Variants in VWDE observed in about 807,000 individuals in gnomAD.
The protein encoded by VWDE is von Willebrand factor D and EGF domains.
Under a neutral mutation model 178.4 loss-of-function variants are expected in VWDE, and 207 were observed. The observed-to-expected ratio is 1.16, with a 90% CI of 1.04 to 1.30. VWDE has a LOEUF of 1.30. Ranked by LOEUF, VWDE falls within the 50% of genes most tolerant of loss-of-function variation. VWDE has a pLI of 0.00. For synonymous variants in VWDE, 738 were observed against 651.4 expected, an observed-to-expected ratio of 1.13 and a Z score of -2.02; for missense variants, 2,287 against 1,901.3, an observed-to-expected ratio of 1.20 and a Z score of -3.77.
chr7:12,365,092 C>G (rs1782789138), intron 13 of VWDE, among the ~76,000 whole-genome samples: 1 of 151,778 alleles, frequency 6.6e-6, no homozygotes, highest in Non-Finnish European at 1.5e-5. Flanking sequence ...TCAAAAGAGC[C>G]AAGTGTGCAA....
In VWDE at chr7:12,367,443, G is replaced by T; in HGVS notation, c.2812C>A (p.Gln938Lys). The change falls in exon 13 of 29, where the codon CAA becomes AAA. Residue 938 changes from glutamine to lysine, a missense_variant. Gln to Lys is a moderately conservative substitution (Grantham distance 53, BLOSUM62 1). Transcript: ENST00000275358. Reference sequence around the variant, plus strand: ...CTCACCATCATACAATTATATTTTTGAACATCACAGAATCCAGCATTCCCA... The same window carrying T: ...CTCACCATCATACAATTATATTTTTTAACATCACAGAATCCAGCATTCCCA... ...ELGNAGFCDV[Q>K]KYNCMMVRVF... is the part of the protein sequence containing the mutation. 1 of 1,544,596 alleles carries T rather than the reference G, an allele frequency of 6.5e-7. No individual in the cohort carries two copies. Among genetic ancestry groups the T allele is most frequent in the African/African-American group, 1.4e-5 (1 of 72,700 alleles).
intron 3 of VWDE, among the ~76,000 whole-genome samples, chr7:12,384,906 T>C (rs1347094141): frequency 6.6e-6 from 1 of 152,150 alleles, no homozygotes; most frequent in Non-Finnish European, 1.5e-5. Flanking sequence ...ATAGTATACA[T>C]TTTTAACTTC....
intron 19 of VWDE, among the ~76,000 whole-genome samples, chr7:12,348,633 G>T (rs1470584155): frequency 1.4e-5 from 2 of 147,456 alleles, no homozygotes; most frequent in East Asian, 3.9e-4. Flanking sequence ...TGGTGGGACT[G>T]TAAACTAGTT....
intron 6 of VWDE, among the ~76,000 whole-genome samples, chr7:12,378,462 C>A (rs1783661439): frequency 6.6e-6 from 1 of 152,176 alleles, no homozygotes; most frequent in Non-Finnish European, 1.5e-5. Flanking sequence ...AGGACTGGCC[C>A]TATCTTCATT....
chr7:12,374,902 C>A (rs1379426861), intron 8 of VWDE, 108 bp downstream of exon 8: 6 of 1,240,908 alleles, frequency 4.8e-6, no homozygotes, highest in Non-Finnish European at 2.2e-6. Context: ...CATTTAAAAA[C>A]TAATTTACCA....
At chr7:12,389,466 AT>A in intron 2 of VWDE, 108 bp from the exon 3 acceptor site, 1 of 788,772 alleles carries the variant, frequency 1.3e-6, no homozygotes, top group Non-Finnish European at 2.0e-6. Context: ...ATCATTAATC[AT>A]TAAAAAAATT....
intron 3 of VWDE, among the ~76,000 whole-genome samples, chr7:12,388,344 G>A (rs1784206970): frequency 6.6e-6 from 1 of 152,010 alleles, no homozygotes; most frequent in Non-Finnish European, 1.5e-5. Flanking sequence ...GCAATCACTT[G>A]ATTAATATAA....
rs1363365815 is a variant in VWDE at position 12,345,004 on chromosome 7, C to T, written c.3887-535G>A. On this transcript the variant is annotated intron_variant, in intron 19 of 28. Transcript: ENST00000275358. ...GATTAATGCTGGGAAATTCAGTGGG[C>T]ACTCCAAAACTCTGTTTTCTCATCT... Among the ~76,000 whole-genome samples the T allele has an allele frequency of 2.6e-5, 4 of 151,888 alleles. No individual in the cohort carries two copies. The East Asian group carries it at 5.8e-4, about 22-fold the overall frequency.
intron 3 of VWDE, among the ~76,000 whole-genome samples, chr7:12,384,050 C>T (rs1446958748): frequency 6.6e-6 from 1 of 152,128 alleles, no homozygotes; most frequent in East Asian, 1.9e-4. Flanking sequence ...AAAACCTGCA[C>T]ATGGAAGTTT....
intron 12 of VWDE, 48 bp from the exon 13 acceptor site, chr7:12,367,541 G>GAA: frequency 7.5e-6 from 10 of 1,328,172 alleles, no homozygotes; most frequent in South Asian, 1.8e-5. Flanking sequence ...CTTAATTTCA[G>GAA]AAAAAAAAAC....
At chr7:12,373,449 G>C (rs775770581) in intron 9 of VWDE, among the ~76,000 whole-genome samples, 1 of 152,012 alleles carries the variant, frequency 6.6e-6, no homozygotes, top group Non-Finnish European at 1.5e-5. Flanking sequence ...CCTTGAGCAG[G>C]GCAGGCTGGC....
Position 12,356,339 on chromosome 7 carries a change from C to T in VWDE, c.3526-9G>A. On this transcript the variant is annotated splice_polypyrimidine_tract_variant and intron_variant, in intron 17 of 28. Coordinates refer to ENST00000275358, the MANE Select transcript of VWDE (RefSeq NM_001135924.3). The stretch of plus-strand genomic sequence containing the variant: ...CAAGACTTCACAGTCACCTACAAAA[C>T]AAAAAAAAAGGAAATGTCTTATTTT... 1 of 1,510,662 alleles carries T rather than the reference C, an allele frequency of 6.6e-7. No individual in the cohort carries two copies. The highest frequency in any genetic ancestry group is 8.9e-7 in the Non-Finnish European group (1 of 1,126,984). The allele number at this position is 1,510,662 out of a possible 1,614,324, so 93.6% of individuals were successfully genotyped here.
intron 6 of VWDE, among the ~76,000 whole-genome samples, chr7:12,378,518 C>A (rs4721095): frequency 6.6e-6 from 1 of 151,982 alleles, no homozygotes; most frequent in Non-Finnish European, 1.5e-5. Context: ...CATGCAGTCT[C>A]GAGTCTTGGC....
chr7:12,380,564 C>G lies in VWDE; in HGVS notation c.711G>C (p.Glu237Asp). The G allele has an allele frequency of 6.4e-7, 1 of 1,552,132 alleles. No individual in the cohort carries two copies. Among genetic ancestry groups the G allele is most frequent in the Non-Finnish European group, 8.7e-7 (1 of 1,147,104 alleles). The change falls in exon 5 of 29, where the codon GAG becomes GAC. Residue 237 changes from glutamate (E) to aspartate (D), a missense_variant. Transcript: ENST00000275358. ...GAACTGTGGTCTCTTGTGTCAGCTC[C>G]TCTTTGACTTCTTGAGAAGAAAGCC... ...WSRLSSQEVK[E>D]ELTQETTVQA...
intron 1 of VWDE, among the ~76,000 whole-genome samples, chr7:12,394,121 G>A (rs1429417862): frequency 2.0e-5 from 3 of 152,094 alleles, no homozygotes; most frequent in Admixed American, 1.3e-4. Flanking sequence ...TTTCTCTTGG[G>A]CCTGGTCCTC....
chr7:12,365,331 T>C (rs568629840), intron 13 of VWDE, among the ~76,000 whole-genome samples: 3 of 152,156 alleles, frequency 2.0e-5, no homozygotes, highest in Admixed American at 2.0e-4. Flanking sequence ...AAATAAGATA[T>C]TAACTTTATG....
chr7:12,396,529 T>G (rs575959477), intron 1 of VWDE, among the ~76,000 whole-genome samples: 10 of 152,300 alleles, frequency 6.6e-5, no homozygotes, highest in African/African-American at 2.4e-4. Context: ...GATCCCCAAA[T>G]GTAATGAGAA....
At chr7:12,388,942 A>G (rs1784235846) in intron 3 of VWDE, 185 bp downstream of exon 3, 1 of 713,968 alleles carries the variant, frequency 1.4e-6, no homozygotes, top group Non-Finnish European at 2.6e-6. Context: ...GGACTTTACA[A>G]TCTTGGCAAA....
intron 1 of VWDE, among the ~76,000 whole-genome samples, chr7:12,402,352 T>C (rs1405232249): frequency 1.3e-5 from 2 of 152,178 alleles, no homozygotes; most frequent in African/African-American, 4.8e-5. Flanking sequence ...ATAAAGCTAT[T>C]TGAAAAAAAG....
Sources: gnomAD v4.1 joint callset for allele counts (sites outside exome capture counted in the v4.1 genomes callset) on GRCh38, gnomAD v4.1.1 for gene constraint, MANE v1.5 for transcripts, NCBI Gene and HGNC (gene_info 2026-07-23, HGNC 2026-07-21) for gene names.